The following NEURL1 variants were observed in gnomAD, a reference collection of about 807,000 sequenced individuals.
The protein encoded by NEURL1 is E3 ubiquitin-protein ligase NEURL1.
In NEURL1, 26 loss-of-function variants were observed where a neutral mutation model predicts 41.2. The ratio of observed to expected loss-of-function variants is 0.63; its 90% confidence interval spans 0.46 to 0.87. The LOEUF is 0.87. Ranked by LOEUF, NEURL1 falls within the 40% of genes least tolerant of loss-of-function variation. The probability of loss-of-function intolerance (pLI) is 0.00; values close to 1 mark genes in which losing one functional copy is unlikely to be tolerated. For missense variants in NEURL1, 761 were observed against 871.1 expected (o/e 0.87, Z 1.59); for synonymous variants, 400 against 402.3 (o/e 0.99, Z 0.07).
rs779718490 is a variant in NEURL1, at chr10:103,571,125, C to T, written c.327+12C>T. Reference sequence around the variant, plus strand: ...AAGTCAGGCTGAAGGTGGGCCTGCCCCCTGCCCCCGCCCCCGCCTCCTGCT... The same window carrying T: ...AAGTCAGGCTGAAGGTGGGCCTGCCTCCTGCCCCCGCCCCCGCCTCCTGCT... On this transcript the variant is annotated intron_variant, in intron 2 of 5. Coordinates refer to ENST00000369780, the MANE Select transcript of NEURL1 (RefSeq NM_004210.5). 1.2e-6 allele frequency: 2 copies of T among 1,610,262 alleles called. No individual in the cohort carries two copies. The highest frequency in any genetic ancestry group is 2.2e-5 in the East Asian group (1 of 44,846).
chr10:103,530,316 C>G (rs569343188), intron 1 of NEURL1, among the ~76,000 whole-genome samples: 1 of 151,366 alleles, frequency 6.6e-6, no homozygotes, highest in East Asian at 1.9e-4. Flanking sequence ...TCATTTATTC[C>G]TATAAACTTT....
At chr10:103,579,537 C>G (rs1408301378) in intron 3 of NEURL1, among the ~76,000 whole-genome samples, 1 of 152,200 alleles carries the variant, frequency 6.6e-6, no homozygotes, top group East Asian at 1.9e-4. Context: ...ATTCTAGCCT[C>G]TAGCTGAGAG....
chr10:103,554,322 G>A (rs930782502), intron 1 of NEURL1, among the ~76,000 whole-genome samples: 2 of 152,250 alleles, frequency 1.3e-5, no homozygotes, highest in Non-Finnish European at 2.9e-5. Context: ...AGGTGTGCAT[G>A]TAACCATGTG....
At chr10:103,587,464 T>C (rs2035946546) in intron 4 of NEURL1, among the ~76,000 whole-genome samples, 1 of 152,174 alleles carries the variant, frequency 6.6e-6, no homozygotes, top group Admixed American at 6.5e-5. Flanking sequence ...CCTGATCTGT[T>C]TGGAAAATTG....
intron 1 of NEURL1, among the ~76,000 whole-genome samples, chr10:103,548,584 A>C (rs1029570839): frequency 2.6e-5 from 4 of 152,250 alleles, no homozygotes; most frequent in Admixed American, 2.0e-4. Context: ...CGGCCTCCCA[A>C]AGTGCTGGGA....
chr10:103,585,718 C>T (rs2035908111), intron 4 of NEURL1, among the ~76,000 whole-genome samples: 1 of 151,690 alleles, frequency 6.6e-6, no homozygotes, highest in Admixed American at 6.6e-5. Flanking sequence ...CCTGTAGTCC[C>T]AGCTACTCGG....
chr10:103,576,623 C>G (rs1253878855), intron 3 of NEURL1, among the ~76,000 whole-genome samples: 1 of 152,136 alleles, frequency 6.6e-6, no homozygotes, highest in Admixed American at 6.5e-5. Context: ...AGGCCTGGAA[C>G]CCAGATCTCT....
intron 3 of NEURL1, among the ~76,000 whole-genome samples, chr10:103,573,693 C>T (rs2035596509): frequency 6.6e-6 from 1 of 152,178 alleles, no homozygotes; most frequent in Admixed American, 6.5e-5. Context: ...CAGGACTTAA[C>T]CACATGGTGG....
chr10:103,569,862 C>T (rs542048913), intron 1 of NEURL1, among the ~76,000 whole-genome samples: 39 of 152,284 alleles, frequency 2.6e-4, no homozygotes, highest in African/African-American at 7.5e-4. Context: ...CCTGGGGCTT[C>T]GGAGACTGCT....
At chr10:103,555,413 G>C in intron 1 of NEURL1, 3 of 1,358,970 alleles carry the variant, frequency 2.2e-6, no homozygotes, top group Non-Finnish European at 2.9e-6. Flanking sequence ...CACTCTCCAC[G>C]GTAAGGCCCC....
At chr10:103,538,499 A>G (rs2034745710) in intron 1 of NEURL1, among the ~76,000 whole-genome samples, 2 of 148,130 alleles carry the variant, frequency 1.4e-5, no homozygotes, top group Admixed American at 1.4e-4. Flanking sequence ...TGAGCCCGGG[A>G]GGCAGAGGTT....
chr10:103,586,402 C>T (rs1305184677), intron 4 of NEURL1, among the ~76,000 whole-genome samples: 4 of 152,120 alleles, frequency 2.6e-5, no homozygotes, highest in Non-Finnish European at 4.4e-5. Flanking sequence ...TGGACCCCCC[C>T]TCCAGAGATT....
chr10:103,546,119 T>C (rs116907051), intron 1 of NEURL1, among the ~76,000 whole-genome samples: 2,434 of 152,348 alleles, frequency 0.016, 30 homozygotes, highest in Non-Finnish European at 0.025. Flanking sequence ...CCTCCTGCCT[T>C]GGCCTCCCAA....
At chr10:103,553,473 C>T (rs912888) in intron 1 of NEURL1, among the ~76,000 whole-genome samples, 51,424 of 151,994 alleles carry the variant, frequency 0.34, 8,898 homozygotes, top group South Asian at 0.4. Context: ...CTGCCTTGTG[C>T]GGACTCGGGT....
intron 1 of NEURL1, among the ~76,000 whole-genome samples, chr10:103,503,970 T>TATTTA (rs1395503428): frequency 7.1e-6 from 1 of 139,958 alleles, no homozygotes; most frequent in Non-Finnish European, 1.5e-5. Flanking sequence ...TTTATTTATT[T>TATTTA]ATTTATTTAT....
intron 1 of NEURL1, among the ~76,000 whole-genome samples, chr10:103,569,730 G>A (rs957051343): frequency 3.9e-5 from 6 of 152,098 alleles, no homozygotes; most frequent in African/African-American, 1.2e-4. Context: ...AGCCATTCCC[G>A]TCTTGTCTCC....
intron 1 of NEURL1, among the ~76,000 whole-genome samples, chr10:103,533,472 T>C (rs2034617390): frequency 6.7e-6 from 1 of 150,302 alleles, no homozygotes; most frequent in South Asian, 2.1e-4. Context: ...TAGGTTCAAG[T>C]GATTCTCCTG....
chr10:103,503,181 C>G (rs1472109156), intron 1 of NEURL1, among the ~76,000 whole-genome samples: 3 of 152,186 alleles, frequency 2.0e-5, no homozygotes, highest in African/African-American at 7.2e-5. Context: ...ATGGGCCAGC[C>G]CAGGAAGTGG....
At chr10:103,573,967 G>A (rs781548436) in intron 3 of NEURL1, among the ~76,000 whole-genome samples, 13 of 152,278 alleles carry the variant, frequency 8.5e-5, no homozygotes, top group East Asian at 1.9e-4. Flanking sequence ...CCGTCCATAC[G>A]TCCACTTCCC....
Sources: allele counts gnomAD v4.1 joint callset (sites outside exome capture counted in the v4.1 genomes callset), GRCh38; gene constraint gnomAD v4.1.1; transcripts MANE v1.5; gene names NCBI Gene and HGNC (gene_info 2026-07-23, HGNC 2026-07-21).